Variants in RAB38 observed in about 807,000 individuals in gnomAD.
RAB38 encodes the protein RAB38, member RAS oncogene family, also known as ras-related protein Rab-38.
A neutral mutation model predicts 18.4 loss-of-function variants in RAB38; 15 were observed. The observed-to-expected ratio is 0.82, with a 90% CI of 0.55 to 1.26. RAB38 has a LOEUF of 1.26. Among genes scored for constraint, RAB38 ranks in the 50% most tolerant of loss-of-function variants. The pLI is 0.00. For missense variants in RAB38, 294 were observed against 267.4 expected, an observed-to-expected ratio of 1.10 and a Z score of -0.69; for synonymous variants, 101 against 104.4, an observed-to-expected ratio of 0.97 and a Z score of 0.20.
chr11:88,039,333 AT>A, the RAB38 span, among the ~76,000 whole-genome samples: 2 of 152,238 alleles, frequency 1.3e-5, no homozygotes, highest in Admixed American at 6.5e-5. Context: ...AAAACTTGCC[AT>A]TTAAAAAAAA....
chr11:87,923,930 C>G, the RAB38 span, among the ~76,000 whole-genome samples: 1 of 148,158 alleles, frequency 6.7e-6, no homozygotes, highest in African/African-American at 2.5e-5. Flanking sequence ...TCTCCAAGGT[C>G]AGAGAGTGAC....
At chr11:87,833,503 G>C in the RAB38 span, among the ~76,000 whole-genome samples, 3 of 152,164 alleles carry the variant, frequency 2.0e-5, 1 homozygote, top group South Asian at 4.1e-4. Flanking sequence ...TCACATAACA[G>C]AGTCTCCCCC....
At chr11:87,954,466 G>A in the RAB38 span, among the ~76,000 whole-genome samples, 11 of 152,120 alleles carry the variant, frequency 7.2e-5, no homozygotes, top group Non-Finnish European at 1.5e-4. Context: ...GTCACAGAAA[G>A]ATAGAAAAAG....
At chr11:88,166,166 G>T (rs1345057557) in intron 1 of RAB38, 1 of 152,078 alleles carries the variant, frequency 6.6e-6, no homozygotes, top group Non-Finnish European at 1.5e-5. Context: ...GGAATAGCAA[G>T]GAGTTCAAAT....
chr11:88,042,523 G>T, the RAB38 span, among the ~76,000 whole-genome samples: 1 of 152,310 alleles, frequency 6.6e-6, no homozygotes, highest in South Asian at 2.1e-4. Context: ...CCTTCTGAAT[G>T]ATATAATGGG....
chr11:88,045,446 G>A, the RAB38 span, among the ~76,000 whole-genome samples: 16 of 152,134 alleles, frequency 1.1e-4, no homozygotes, highest in African/African-American at 2.4e-4. Flanking sequence ...CCAGGCCTGC[G>A]TCCCCCAGGA....
chr11:88,112,003 G>A (rs1942480286), downstream of RAB38, among the ~76,000 whole-genome samples: 1 of 152,188 alleles, frequency 6.6e-6, no homozygotes, highest in Non-Finnish European at 1.5e-5. Context: ...AAGGAGCCAA[G>A]CCATTCCAAT....
the RAB38 span, among the ~76,000 whole-genome samples, chr11:87,923,214 T>C: frequency 3.3e-5 from 5 of 151,930 alleles, no homozygotes; most frequent in Non-Finnish European, 2.9e-5. Flanking sequence ...GCTACTTTGT[T>C]AGTATTAGTA....
chr11:87,916,069 T>G, the RAB38 span, among the ~76,000 whole-genome samples: 131 of 152,262 alleles, frequency 8.6e-4, no homozygotes, highest in African/African-American at 2.9e-3. Flanking sequence ...AAATAACTTT[T>G]ATTTTACACT....
At chr11:87,947,719 G>A in the RAB38 span, among the ~76,000 whole-genome samples, 1 of 152,122 alleles carries the variant, frequency 6.6e-6, no homozygotes, top group Non-Finnish European at 1.5e-5. Flanking sequence ...TATTATTTGA[G>A]GGCTCTGTTC....
the RAB38 span, among the ~76,000 whole-genome samples, chr11:87,849,459 T>G: frequency 3.3e-4 from 51 of 152,262 alleles, no homozygotes; most frequent in African/African-American, 1.2e-3. Context: ...ATTAGAGCTT[T>G]TGGTGGGTAT....
the RAB38 span, among the ~76,000 whole-genome samples, chr11:87,977,971 T>C: frequency 8.9e-6 from 1 of 112,574 alleles, no homozygotes; most frequent in African/African-American, 3.6e-5. Flanking sequence ...ATAAGATATA[T>C]TATATAAATA....
the RAB38 span, among the ~76,000 whole-genome samples, chr11:88,086,207 A>C: frequency 6.6e-6 from 1 of 151,984 alleles, no homozygotes; most frequent in Admixed American, 6.6e-5. Context: ...AATAATAGTT[A>C]GGAATCATAA....
At chr11:87,932,606 G>A in the RAB38 span, among the ~76,000 whole-genome samples, 27 of 152,068 alleles carry the variant, frequency 1.8e-4, no homozygotes, top group Admixed American at 9.2e-4. Context: ...AGATCCTAGT[G>A]TAATCAGCCT....
chr11:88,114,033 G>A lies in RAB38; in HGVS notation c.591C>T (p.Leu197=). The A allele has an allele frequency of 1.2e-6, 2 of 1,614,178 alleles. No homozygotes were observed. Among genetic ancestry groups the A allele is most frequent in the Middle Eastern group, 1.6e-4 (1 of 6,062 alleles). Residue 197 remains leucine, a synonymous_variant, in exon 3 of 3, where the codon CTC becomes CTT. Transcript: ENST00000243662. ...SIEPDVVKPH[L]TSTKVASCSG... is the part of the protein sequence containing the mutation. ...AGCAGCTGGCAACCTTGGTTGATGT[G>A]AGATGGGGCTTCACGACGTCCGGCT...
chr11:88,047,377 G>A, the RAB38 span, among the ~76,000 whole-genome samples: 1 of 152,020 alleles, frequency 6.6e-6, no homozygotes. Context: ...TTTATTGATG[G>A]CAGTTCCACC....
At chr11:88,023,307 G>C in the RAB38 span, among the ~76,000 whole-genome samples, 1 of 151,098 alleles carries the variant, frequency 6.6e-6, no homozygotes, top group Non-Finnish European at 1.5e-5. Flanking sequence ...ATTTATAATA[G>C]TAACAAATAA....
the RAB38 span, among the ~76,000 whole-genome samples, chr11:88,092,217 C>G: frequency 6.6e-6 from 1 of 151,568 alleles, no homozygotes; most frequent in African/African-American, 2.4e-5. Flanking sequence ...TCCTGCTAGT[C>G]TCTTACCTCA....
At chr11:87,957,524 A>C in the RAB38 span, among the ~76,000 whole-genome samples, 1 of 152,178 alleles carries the variant, frequency 6.6e-6, no homozygotes, top group Non-Finnish European at 1.5e-5. Flanking sequence ...GATTGGACAA[A>C]GAAAGTAGAA....
Sources: allele counts gnomAD v4.1 joint callset (sites outside exome capture counted in the v4.1 genomes callset), GRCh38; gene constraint gnomAD v4.1.1; transcripts MANE v1.5; gene names NCBI Gene and HGNC (gene_info 2026-07-23, HGNC 2026-07-21).